The following DGKH variants were observed in gnomAD, a reference collection of about 807,000 sequenced individuals.
The protein encoded by DGKH is DAG kinase eta.
Under a neutral mutation model 159.3 loss-of-function variants are expected in DGKH, and 90 were observed. The ratio of observed to expected loss-of-function variants is 0.57; its 90% confidence interval spans 0.48 to 0.67. DGKH has a LOEUF of 0.67. Among genes scored for constraint, DGKH ranks in the 30% least tolerant of loss-of-function variants. The probability of loss-of-function intolerance (pLI) is 0.00; values close to 1 mark genes in which losing one functional copy is unlikely to be tolerated. For synonymous variants in DGKH, 536 were observed against 553.8 expected (o/e 0.97, Z 0.45); for missense variants, 1,181 against 1,506.1 (o/e 0.78, Z 3.57).
intron 1 of DGKH, among the ~76,000 whole-genome samples, chr13:42,051,093 GACT>G (rs1272325906): frequency 1.6e-4 from 25 of 152,288 alleles, no homozygotes; most frequent in African/African-American, 5.8e-4. Flanking sequence ...TGCTTATGGA[GACT>G]ACAAGTAAAT....
intron 3 of DGKH, 71 bp downstream of exon 3, chr13:42,129,703 C>A: frequency 7.2e-7 from 1 of 1,383,584 alleles, no homozygotes; most frequent in East Asian, 2.4e-5. Flanking sequence ...GTACAGAATG[C>A]CCTGTTCAAT....
intron 15 of DGKH, 124 bp from the exon 16 acceptor site, chr13:42,190,279 T>C: frequency 1.7e-6 from 2 of 1,149,004 alleles, no homozygotes; most frequent in Non-Finnish European, 1.2e-6. Context: ...TGCTAAATAG[T>C]GTTTATTTGT....
chr13:42,198,566 G>T lies in DGKH; in HGVS notation c.2256G>T (p.Thr752=). ...LLANIDPFGA[T]PFIDPDLDSV... ...CAAACATTGATCCTTTTGGTGCCAC[G>T]CCGTTTATTGACCCGGATCTAGATT... The change falls in exon 18 of 30, where the codon ACG becomes ACT. Residue 752 remains threonine (T), a synonymous_variant. Coordinates refer to ENST00000337343, the MANE Select transcript of DGKH (RefSeq NM_178009.5). 6.2e-7 allele frequency: 1 copy of T among 1,612,960 alleles called. No individual in the cohort carries two copies. Among genetic ancestry groups the T allele is most frequent in the Non-Finnish European group, 8.5e-7 (1 of 1,179,630 alleles).
At chr13:42,151,563 T>A (rs1293531938) in intron 3 of DGKH, among the ~76,000 whole-genome samples, 6 of 66,134 alleles carry the variant, frequency 9.1e-5, no homozygotes, top group South Asian at 8.0e-4. Flanking sequence ...ATATATGTAG[T>A]TTCACTTATA....
At chr13:42,082,881 G>A (rs1172243961) in intron 1 of DGKH, among the ~76,000 whole-genome samples, 1 of 152,112 alleles carries the variant, frequency 6.6e-6, no homozygotes, top group Non-Finnish European at 1.5e-5. Flanking sequence ...AGTATCCCTG[G>A]GGCTCATCAC....
intron 3 of DGKH, among the ~76,000 whole-genome samples, chr13:42,132,294 C>T (rs1272865604): frequency 6.6e-6 from 1 of 152,170 alleles, no homozygotes; most frequent in Non-Finnish European, 1.5e-5. Flanking sequence ...TCAATATTTT[C>T]CTGTGGCTGT....
intron 3 of DGKH, among the ~76,000 whole-genome samples, chr13:42,142,382 C>G (rs1955585912): frequency 6.6e-6 from 1 of 151,154 alleles, no homozygotes; most frequent in Non-Finnish European, 1.5e-5. Flanking sequence ...AATGCGGGCT[C>G]TTTTTTGGTT....
At chr13:42,067,777 G>A (rs534605271) in intron 1 of DGKH, among the ~76,000 whole-genome samples, 3 of 151,918 alleles carry the variant, frequency 2.0e-5, no homozygotes, top group African/African-American at 7.2e-5. Flanking sequence ...GATATAGACA[G>A]TATTCAATAA....
intron 1 of DGKH, among the ~76,000 whole-genome samples, chr13:42,092,838 A>G (rs1024769910): frequency 1.3e-5 from 2 of 152,218 alleles, no homozygotes; most frequent in Non-Finnish European, 2.9e-5. Flanking sequence ...GTATACAAGT[A>G]TCAAAAACAG....
intron 5 of DGKH, 22 bp from the exon 6 acceptor site, chr13:42,159,244 C>CTATTTTTTTTTTTTT: frequency 4.7e-6 from 1 of 213,284 alleles, no homozygotes; most frequent in Non-Finnish European, 8.1e-6. Context: ...AGCAGTTGCT[C>CTATTTTTTTTTTTTT]TTTTTTTTTT....
intron 1 of DGKH, among the ~76,000 whole-genome samples, chr13:42,077,499 A>T (rs1176918091): frequency 1.3e-5 from 2 of 152,198 alleles, no homozygotes; most frequent in African/African-American, 4.8e-5. Flanking sequence ...TTTATCCAAG[A>T]TATAAAAAAG....
At chr13:42,108,839 T>C (rs1489406085) in intron 1 of DGKH, among the ~76,000 whole-genome samples, 1 of 141,490 alleles carries the variant, frequency 7.1e-6, no homozygotes, top group Non-Finnish European at 1.6e-5. Context: ...CTATAATGCA[T>C]GCAGTAAGGC....
chr13:42,254,845 A>T (rs1958645843), intron 30 of DGKH, among the ~76,000 whole-genome samples: 1 of 152,170 alleles, frequency 6.6e-6, no homozygotes, highest in South Asian at 2.1e-4. Flanking sequence ...TCTACATAGA[A>T]TTAGAGATCA....
chr13:42,109,778 A>T (rs973174357), intron 1 of DGKH, among the ~76,000 whole-genome samples: 2 of 152,122 alleles, frequency 1.3e-5, no homozygotes, highest in African/African-American at 4.8e-5. Flanking sequence ...GTTCCATGCT[A>T]ATCACAGAGG....
Position 42,240,014 on chromosome 13 carries a change from A to G in DGKH, c.*10826A>G, listed in dbSNP as rs1958487117. ...CTAGGCAGGTATTTTCTCCATGCCT[A>G]TAGTATATTGAAACTTTTTCTGTTA... On this transcript the variant is annotated 3_prime_UTR_variant, in exon 30 of 30. Transcript: ENST00000337343. 3 of 152,214 alleles carry G rather than the reference A, an allele frequency of 2.0e-5. No homozygotes were observed. Among genetic ancestry groups the G allele is most frequent in the African/African-American group, 4.8e-5 (2 of 41,460 alleles). 9.4% of individuals were successfully genotyped at this position (152,214 alleles called of 1,614,324 possible).
chr13:42,105,378 C>T (rs1407098682), intron 1 of DGKH, among the ~76,000 whole-genome samples: 1 of 152,196 alleles, frequency 6.6e-6, no homozygotes, highest in East Asian at 1.9e-4. Context: ...GTGACCCAGA[C>T]ACCTCTCATT....
Position 42,159,263 on chromosome 13 carries a change from T to TTTTTTTTTTTTTTTTTTTAA in DGKH, c.623-3_623-2insTTTTTTTTTTTTTTTTTTAA. 3.0e-5 allele frequency: 38 copies of TTTTTTTTTTTTTTTTTTTAA among 1,249,718 alleles called. No homozygotes were observed. The highest frequency in any genetic ancestry group is 4.0e-5 in the Non-Finnish European group (36 of 894,572). 77.4% of individuals were successfully genotyped at this position (1,249,718 alleles called of 1,614,324 possible). On this transcript the variant is annotated splice_polypyrimidine_tract_variant and splice_region_variant and intron_variant, in intron 5 of 29. Transcript: ENST00000337343. Reference sequence around the variant, plus strand: ...GTTGCTCTTTTTTTTTTTTTTTTTTTAGTGTGTAAATTCAAGGCTCACAAA... The same window carrying TTTTTTTTTTTTTTTTTTTAA: ...GTTGCTCTTTTTTTTTTTTTTTTTTTTTTTTTTTTTTTTTTTTTAAAGTGTGTAAATTCAAGGCTCACAAA...
intron 3 of DGKH, among the ~76,000 whole-genome samples, chr13:42,144,892 G>C (rs1955681683): frequency 6.6e-6 from 1 of 152,146 alleles, no homozygotes; most frequent in Non-Finnish European, 1.5e-5. Flanking sequence ...ATTTAGTCTA[G>C]CCTGGCCATT....
In DGKH at chr13:42,069,487, T is replaced by G. The variant is rs1446482517; in HGVS notation, c.192+20522T>G. The G allele has an allele frequency of 3.2e-6, 5 of 1,568,182 alleles. No homozygotes were observed. In the East Asian group the frequency reaches 9.0e-5, roughly 28 times the overall value. On this transcript the variant is annotated intron_variant, in intron 1 of 29. Coordinates refer to ENST00000337343, the MANE Select transcript of DGKH (RefSeq NM_178009.5). ...AGTAGACTCATGTTGGAAACTAAAT[T>G]GAATAGTTCCTGCAATAAAGGAATG... is the stretch of plus-strand genomic sequence containing the variant.
Sources: allele counts gnomAD v4.1 joint callset (sites outside exome capture counted in the v4.1 genomes callset), GRCh38; gene constraint gnomAD v4.1.1; transcripts MANE v1.5; gene names NCBI Gene and HGNC (gene_info 2026-07-23, HGNC 2026-07-21).